MOB2: variants seen among roughly 807,000 people sequenced by gnomAD.
MOB2 encodes MOB kinase activator 2, also known as MOB2 Mps One Binder homolog.
Under a neutral mutation model 27.4 loss-of-function variants are expected in MOB2, and 14 were observed. The observed-to-expected ratio is 0.51, with a 90% confidence interval of 0.34 to 0.80. MOB2 has a LOEUF of 0.80. MOB2 is among the 30% of genes least tolerant of loss of function. MOB2 has a pLI of 0.01. For missense variants in MOB2, 304 were observed against 354.6 expected, an observed-to-expected ratio of 0.86 and a Z score of 1.15; for synonymous variants, 167 against 151.8, an observed-to-expected ratio of 1.10 and a Z score of -0.74.
chr11:1,486,716 A>G lies in MOB2; in HGVS notation c.-160T>C. The G allele has an allele frequency of 1.7e-6, 1 of 601,718 alleles. No homozygotes were observed. The highest frequency in any genetic ancestry group is 2.9e-5 in the Admixed American group (1 of 35,044). The allele number at this position is 601,718 out of a possible 1,614,324, so 37.3% of individuals were successfully genotyped here. On this transcript the variant is annotated 5_prime_UTR_variant, in exon 1 of 5. Transcript: ENST00000329957. ...CCCTTTCCAGAGGCAAGGGCTGGCC[A>G]AGGCTGGTGAAACGAGGGAGCGTCT...
At chr11:1,486,117 C>T (rs374140426) in intron 1 of MOB2, among the ~76,000 whole-genome samples, 186 of 152,350 alleles carry the variant, frequency 1.2e-3, no homozygotes, top group Admixed American at 2.2e-3. Context: ...GCTCCTGTGC[C>T]GGCAAGGTGG....
intron 3 of MOB2, chr11:1,472,638 A>T (rs1279787558): frequency 6.6e-6 from 1 of 152,316 alleles, no homozygotes; most frequent in Non-Finnish European, 1.5e-5. Context: ...AAAAGGATGG[A>T]CCCAGGCTCC....
chr11:1,470,606 C>A, intron 4 of MOB2, 118 bp from the exon 5 acceptor site: 1 of 1,176,560 alleles, frequency 8.5e-7, no homozygotes, highest in Non-Finnish European at 1.2e-6. Flanking sequence ...ACCCTGCCAC[C>A]CTCAGGGCCT....
chr11:1,473,679 ATCTGT>A (rs1847821566), intron 3 of MOB2, among the ~76,000 whole-genome samples: 1 of 152,264 alleles, frequency 6.6e-6, no homozygotes, highest in Non-Finnish European at 1.5e-5. Flanking sequence ...GGATTGTCCC[ATCTGT>A]TCTGAAAGAT....
Position 1,480,849 on chromosome 11 carries a change from A to T in MOB2, c.147T>A (p.Ala49=). The T allele has an allele frequency of 6.4e-7, 1 of 1,568,100 alleles. No homozygotes were observed. Among genetic ancestry groups the T allele is most frequent in the Non-Finnish European group, 8.6e-7 (1 of 1,156,936 alleles). Residue 49 remains alanine, a synonymous_variant, in exon 2 of 5, where the codon GCT becomes GCA. Coordinates refer to ENST00000329957, the MANE Select transcript of MOB2 (RefSeq NM_001172223.3). Reference sequence around the variant, plus strand: ...CCAGGTAGGCCTTCCTCTCCTCCGCAGCGGGCTTCTTGCCATTAGGCTTGG... The same window carrying T: ...CCAGGTAGGCCTTCCTCTCCTCCGCTGCGGGCTTCTTGCCATTAGGCTTGG... The part of the protein sequence containing the change: ...SKAKPNGKKP[A]AEERKAYLEP...
chr11:1,484,575 C>T (rs941016572), intron 1 of MOB2, among the ~76,000 whole-genome samples: 1 of 152,118 alleles, frequency 6.6e-6, no homozygotes, highest in Admixed American at 6.5e-5. Context: ...CCTTGCTGCC[C>T]AGGGTGCACG....
At chr11:1,477,878 CATCTGT>C (rs1477419251) in intron 3 of MOB2, among the ~76,000 whole-genome samples, 1 of 152,210 alleles carries the variant, frequency 6.6e-6, no homozygotes, top group Non-Finnish European at 1.5e-5. Context: ...CCCGTCTGTT[CATCTGT>C]TAGCATTTAG....
At chr11:1,485,622 A>C (rs896389955) in intron 1 of MOB2, among the ~76,000 whole-genome samples, 1 of 152,028 alleles carries the variant, frequency 6.6e-6, no homozygotes, top group African/African-American at 2.4e-5. Context: ...CCAGCAGGCC[A>C]CGCTCGCCTC....
chr11:1,470,368 C>T lies in MOB2; in HGVS notation c.611G>A (p.Gly204Glu), dbSNP rs1345477574. 6.2e-7 allele frequency: 1 copy of T among 1,613,666 alleles called. No homozygotes were observed. The change falls in exon 5 of 5, where the codon GGA becomes GAA. Residue 204 changes from glycine (G) to glutamate (E), a missense_variant. Physicochemically the swap from Gly to Glu is moderately conservative, Grantham distance 98. Transcript: ENST00000329957. Reference sequence around the variant, plus strand: ...GTGGACGTAGAGCGTGTTCAAGTGTCCGTGCAGCTCCAGGGCCAGCGTCTC... The same window carrying T: ...GTGGACGTAGAGCGTGTTCAAGTGTTCGTGCAGCTCCAGGGCCAGCGTCTC... ...FKETLALELH[G>E]HLNTLYVHFI...
At chr11:1,482,135 A>C (rs934543766) in intron 1 of MOB2, among the ~76,000 whole-genome samples, 7 of 152,184 alleles carry the variant, frequency 4.6e-5, no homozygotes, top group Non-Finnish European at 1.0e-4. Flanking sequence ...CCGGGCAGCT[A>C]CAGCCTGGGC....
chr11:1,475,227 A>C (rs1170690588), intron 3 of MOB2, among the ~76,000 whole-genome samples: 1 of 152,262 alleles, frequency 6.6e-6, no homozygotes, highest in Non-Finnish European at 1.5e-5. Flanking sequence ...TAAATTTCAC[A>C]TTGCTAATAT....
At position 1,469,733 on chromosome 11, in the gene MOB2, G is replaced by A; in HGVS notation, c.*439C>T. 1 of 463,832 alleles carries A rather than the reference G, an allele frequency of 2.2e-6. No individual in the cohort carries two copies. Among genetic ancestry groups the A allele is most frequent in the South Asian group, 1.5e-5 (1 of 64,620 alleles). The allele number at this position is 463,832 out of a possible 1,614,324, so 28.7% of individuals were successfully genotyped here. Reference sequence around the variant, plus strand: ...CGAGGCCGGGAGAGGAGGGGTGAGAGGGAAGGAGGGTCTCTGTGAAAGCAA... The same window carrying A: ...CGAGGCCGGGAGAGGAGGGGTGAGAAGGAAGGAGGGTCTCTGTGAAAGCAA... On this transcript the variant is annotated 3_prime_UTR_variant, in exon 5 of 5. Coordinates refer to ENST00000329957, the MANE Select transcript of MOB2 (RefSeq NM_001172223.3).
At chr11:1,473,974 CG>C (rs35534103) in intron 3 of MOB2, among the ~76,000 whole-genome samples, 128,091 of 152,184 alleles carry the variant, frequency 0.84, 54,500 homozygotes, top group East Asian at 1. Context: ...GCAGACGTGT[CG>C]GAAGTCCACG....
intron 1 of MOB2, among the ~76,000 whole-genome samples, chr11:1,485,881 G>T (rs929314162): frequency 6.6e-6 from 1 of 152,214 alleles, no homozygotes; most frequent in African/African-American, 2.4e-5. Flanking sequence ...TGTCAAAAAT[G>T]GATTTTCCGG....
intron 4 of MOB2, among the ~76,000 whole-genome samples, 193 bp downstream of exon 4, chr11:1,471,102 G>A (rs1847784177): frequency 6.6e-6 from 1 of 152,236 alleles, no homozygotes; most frequent in African/African-American, 2.4e-5. Context: ...TGGCTGGGCT[G>A]ACCCCTGCCC....
chr11:1,481,755 C>CAGGG (rs1847918287), intron 1 of MOB2, among the ~76,000 whole-genome samples: 2 of 102,806 alleles, frequency 1.9e-5, no homozygotes, highest in African/African-American at 7.7e-5. Flanking sequence ...GGGGCAGGGG[C>CAGGG]AGGGGCAGGG....
chr11:1,486,055 C>T (rs902959375), intron 1 of MOB2, among the ~76,000 whole-genome samples: 2 of 152,260 alleles, frequency 1.3e-5, no homozygotes, highest in African/African-American at 2.4e-5. Flanking sequence ...GACAGGCACA[C>T]CTGCTGGCGG....
chr11:1,475,498 C>T (rs1433349563), intron 3 of MOB2, among the ~76,000 whole-genome samples: 1 of 152,208 alleles, frequency 6.6e-6, no homozygotes, highest in Admixed American at 6.5e-5. Context: ...GATAGGGTCT[C>T]GCTGTGTTGC....
chr11:1,486,324 C>T (rs1426525964), intron 1 of MOB2, 123 bp downstream of exon 1: 3 of 736,604 alleles, frequency 4.1e-6, no homozygotes, highest in Non-Finnish European at 6.8e-6. Context: ...CCGCCGGCCA[C>T]ACTGGGAGGG....
Sources: gnomAD v4.1 joint callset for allele counts (sites outside exome capture counted in the v4.1 genomes callset) on GRCh38, gnomAD v4.1.1 for gene constraint, MANE v1.5 for transcripts, NCBI Gene and HGNC (gene_info 2026-07-23, HGNC 2026-07-21) for gene names.